Variants in DLGAP1 observed in about 807,000 individuals in gnomAD.
DLGAP1 encodes disks large-associated protein 1.
A neutral mutation model predicts 90.8 loss-of-function variants in DLGAP1; 11 were observed. That is an observed-to-expected ratio of 0.12 (90% confidence interval 0.08 to 0.20). DLGAP1 has a LOEUF of 0.20. DLGAP1 is among the 10% of genes least tolerant of loss of function. The probability of loss-of-function intolerance (pLI) is 1.00; values close to 1 mark genes in which losing one functional copy is unlikely to be tolerated. For missense variants in DLGAP1, 1,050 were observed against 1,333.8 expected (o/e 0.79, Z 3.31); for synonymous variants, 558 against 540.7 (o/e 1.03, Z -0.44).
intron 6 of DLGAP1, among the ~76,000 whole-genome samples, chr18:3,734,082 C>A (rs963221038): frequency 6.6e-6 from 1 of 152,112 alleles, no homozygotes; most frequent in African/African-American, 2.4e-5. Flanking sequence ...TTCAAATCAA[C>A]TTTTTATTTC....
intron 1 of DLGAP1, among the ~76,000 whole-genome samples, chr18:4,290,599 C>T (rs565486591): frequency 7.2e-5 from 11 of 152,054 alleles, no homozygotes; most frequent in South Asian, 2.1e-4. Context: ...TCATCAAAGA[C>T]GGACAGTCTA....
At chr18:4,076,348 C>T (rs1395969263) in intron 2 of DLGAP1, among the ~76,000 whole-genome samples, 1 of 152,044 alleles carries the variant, frequency 6.6e-6, no homozygotes, top group Non-Finnish European at 1.5e-5. Context: ...TAATCCACAC[C>T]TTTTAAGTAC....
chr18:4,055,829 GA>G (rs1403250760), intron 2 of DLGAP1, among the ~76,000 whole-genome samples: 1 of 152,076 alleles, frequency 6.6e-6, no homozygotes, highest in African/African-American at 2.4e-5. Flanking sequence ...AAAAATTTAG[GA>G]AAAATATATT....
chr18:4,286,240 G>T (rs564266770), intron 1 of DLGAP1, among the ~76,000 whole-genome samples: 1 of 152,186 alleles, frequency 6.6e-6, no homozygotes, highest in East Asian at 1.9e-4. Flanking sequence ...TAAGCAGCAG[G>T]TAATAAAATC....
chr18:3,667,457 G>A (rs1050353820), intron 7 of DLGAP1, among the ~76,000 whole-genome samples: 32 of 152,102 alleles, frequency 2.1e-4, no homozygotes, highest in African/African-American at 7.7e-4. Flanking sequence ...ATACCATCTA[G>A]TACCTAGTAA....
intron 1 of DLGAP1, among the ~76,000 whole-genome samples, chr18:4,175,264 G>T (rs1186818872): frequency 6.6e-6 from 1 of 152,030 alleles, no homozygotes; most frequent in Non-Finnish European, 1.5e-5. Context: ...TTTTGATGGG[G>T]TTGTTTTTTT....
intron 1 of DLGAP1, among the ~76,000 whole-genome samples, chr18:4,320,726 AC>A (rs2080663938): frequency 1.5e-3 from 3 of 1,948 alleles, no homozygotes; most frequent in Non-Finnish European, 2.8e-3. Context: ...TTACACACAC[AC>A]ACACACACAC....
At chr18:4,268,618 T>C (rs2079184299) in intron 1 of DLGAP1, among the ~76,000 whole-genome samples, 1 of 152,212 alleles carries the variant, frequency 6.6e-6, no homozygotes, top group South Asian at 2.1e-4. Context: ...TACAATTTCA[T>C]TTATGTAATT....
At chr18:4,235,473 T>C (rs2078388740) in intron 1 of DLGAP1, among the ~76,000 whole-genome samples, 1 of 152,154 alleles carries the variant, frequency 6.6e-6, no homozygotes. Context: ...CAAATCAAGC[T>C]ATAATCCATG....
intron 2 of DLGAP1, among the ~76,000 whole-genome samples, chr18:4,112,488 C>G (rs971707657): frequency 3.3e-5 from 5 of 152,000 alleles, no homozygotes; most frequent in Admixed American, 2.0e-4. Context: ...TCTAGTAATT[C>G]TATTCATTAT....
At chr18:3,923,318 CTTGTT>C (rs1436869608) in intron 3 of DLGAP1, among the ~76,000 whole-genome samples, 1 of 151,900 alleles carries the variant, frequency 6.6e-6, no homozygotes. Context: ...AAAATGATGT[CTTGTT>C]TTAATTTTCA....
At chr18:4,209,050 C>T (rs972477962) in intron 1 of DLGAP1, among the ~76,000 whole-genome samples, 2 of 152,224 alleles carry the variant, frequency 1.3e-5, no homozygotes, top group Admixed American at 6.5e-5. Context: ...TGGAAAGCTG[C>T]TCCCTTCATT....
chr18:3,994,383 ACCT>A (rs1329879962), intron 3 of DLGAP1, among the ~76,000 whole-genome samples: 1 of 152,104 alleles, frequency 6.6e-6, no homozygotes. Flanking sequence ...GTCTCTGGGT[ACCT>A]CGGCCTCTCT....
At chr18:3,823,911 T>C (rs4087752) in intron 4 of DLGAP1, among the ~76,000 whole-genome samples, 142,860 of 144,824 alleles carry the variant, frequency 0.99, 70,462 homozygotes, top group East Asian at 1. Context: ...GATGGTACCA[T>C]TACATTCCAG....
intron 9 of DLGAP1, among the ~76,000 whole-genome samples, 180 bp from the exon 10 acceptor site, chr18:3,534,795 G>A (rs1323667781): frequency 2.7e-5 from 4 of 150,066 alleles, no homozygotes; most frequent in South Asian, 2.1e-4. Flanking sequence ...AGGTTCAAGC[G>A]ATTCTCCCAC....
intron 1 of DLGAP1, among the ~76,000 whole-genome samples, chr18:4,401,339 T>G (rs2082549942): frequency 6.6e-6 from 1 of 152,224 alleles, no homozygotes; most frequent in Admixed American, 6.5e-5. Flanking sequence ...TAAAATTACT[T>G]TCTTTGCAAA....
chr18:4,330,268 T>C (rs1231041405), intron 1 of DLGAP1, among the ~76,000 whole-genome samples: 1 of 149,494 alleles, frequency 6.7e-6, no homozygotes, highest in Non-Finnish European at 1.5e-5. Context: ...CTGATTGGAC[T>C]GGCTAAGGAT....
intron 9 of DLGAP1, among the ~76,000 whole-genome samples, chr18:3,556,014 G>A (rs1016247807): frequency 3.3e-5 from 5 of 152,050 alleles, no homozygotes; most frequent in African/African-American, 9.7e-5. Context: ...AACACGCAGA[G>A]CATTGTATAT....
intron 1 of DLGAP1, among the ~76,000 whole-genome samples, chr18:4,290,006 C>T (rs937647901): frequency 6.6e-6 from 1 of 152,088 alleles, no homozygotes; most frequent in African/African-American, 2.4e-5. Flanking sequence ...TCTTATGTAA[C>T]ATTCTATGTA....
Sources: gnomAD v4.1 joint callset for allele counts (sites outside exome capture counted in the v4.1 genomes callset) on GRCh38, gnomAD v4.1.1 for gene constraint, MANE v1.5 for transcripts, NCBI Gene and HGNC (gene_info 2026-07-23, HGNC 2026-07-21) for gene names.